The following NOSTRIN variants were observed in gnomAD, a reference collection of about 807,000 sequenced individuals.
The protein encoded by NOSTRIN is nitric oxide synthase trafficking, also known as BM247 homolog.
NOSTRIN carries 63 observed loss-of-function variants against 59.0 expected under a neutral mutation model. The observed-to-expected ratio is 1.07, with a 90% CI of 0.87 to 1.32. The LOEUF is 1.32. Ranked by LOEUF, NOSTRIN falls within the 40% of genes most tolerant of loss-of-function variation. The pLI is 0.00. For synonymous variants in NOSTRIN, 200 were observed against 165.4 expected, an observed-to-expected ratio of 1.21 and a Z score of -1.61; for missense variants, 512 against 473.1, an observed-to-expected ratio of 1.08 and a Z score of -0.76.
rs555641911 is a variant in NOSTRIN at position 168,811,977 on chromosome 2, G to A, written c.113+325G>A. On this transcript the variant is annotated intron_variant, in intron 2 of 15. Transcript: ENST00000317647. Reference sequence around the variant, plus strand: ...CATTATTGTACTTTTCACACCGACAGCAATTATTTACATTTTTCTCTCCCC... The same window carrying A: ...CATTATTGTACTTTTCACACCGACAACAATTATTTACATTTTTCTCTCCCC... The A allele has an allele frequency of 6.2e-5, 11 of 176,192 alleles. No individual in the cohort carries two copies. The South Asian group carries it at 2.1e-3, about 34-fold the overall frequency. 10.9% of individuals were successfully genotyped at this position (176,192 alleles called of 1,614,324 possible). A position where few individuals can be genotyped will look rare whatever the true frequency, so the allele number is the denominator to read the frequency against.
At chr2:168,840,989 A>G (rs1040719140) in intron 7 of NOSTRIN, among the ~76,000 whole-genome samples, 5 of 152,108 alleles carry the variant, frequency 3.3e-5, no homozygotes, top group African/African-American at 1.2e-4. Context: ...GCGATGGCCC[A>G]CACTCATGAT....
chr2:168,860,669 TAAAAAAAAAAA>T, intron 13 of NOSTRIN, 115 bp from the exon 14 acceptor site: 1 of 553,258 alleles, frequency 1.8e-6, no homozygotes, highest in Non-Finnish European at 3.1e-6. Context: ...AGACTCTGTC[TAAAAAAAAAAA>T]AGAAAAAACA....
intron 15 of NOSTRIN, chr2:168,863,717 A>T: frequency 1.1e-6 from 1 of 913,478 alleles, no homozygotes. Flanking sequence ...TAATGCAGAG[A>T]CATTGTCTTG....
At chr2:168,803,672 C>A (rs1160471152) in intron 1 of NOSTRIN, among the ~76,000 whole-genome samples, 1 of 152,074 alleles carries the variant, frequency 6.6e-6, no homozygotes, top group Non-Finnish European at 1.5e-5. Context: ...TTAATAATGA[C>A]AACATAGTAG....
chr2:168,786,560 C>T (rs1336660207), exon 1 of NOSTRIN: 1 of 152,150 alleles, frequency 6.6e-6, no homozygotes, highest in Non-Finnish European at 1.5e-5. Flanking sequence ...CCTTCCCAAG[C>T]ACTGGTAGGG....
At chr2:168,864,226 C>T (rs115228466) in intron 15 of NOSTRIN, among the ~76,000 whole-genome samples, 4,561 of 151,798 alleles carry the variant, frequency 0.03, 222 homozygotes, top group African/African-American at 0.097. Context: ...ATCTGCCCAT[C>T]GCGGCCTCCC....
chr2:168,819,184 C>G (rs1288394948), intron 2 of NOSTRIN, among the ~76,000 whole-genome samples: 1 of 152,082 alleles, frequency 6.6e-6, no homozygotes, highest in East Asian at 1.9e-4. Flanking sequence ...GCATGTGGTA[C>G]TTTTTCAGCT....
At chr2:168,832,076 G>C (rs920753811) in intron 6 of NOSTRIN, among the ~76,000 whole-genome samples, 5 of 152,158 alleles carry the variant, frequency 3.3e-5, no homozygotes, top group African/African-American at 1.2e-4. Context: ...GGCCCAGTGA[G>C]GGGTGGGTAG....
chr2:168,806,711 T>G (rs957591768), intron 1 of NOSTRIN, among the ~76,000 whole-genome samples: 4 of 152,144 alleles, frequency 2.6e-5, no homozygotes, highest in African/African-American at 9.7e-5. Flanking sequence ...AGCAGCATAT[T>G]AATATGAATT....
chr2:168,863,588 A>C, intron 15 of NOSTRIN: 2 of 985,204 alleles, frequency 2.0e-6, no homozygotes, highest in Non-Finnish European at 2.4e-6. Flanking sequence ...ATTGTCTCCA[A>C]ATTGATGTTG....
chr2:168,789,739 T>C (rs889282564), intron 2 of NOSTRIN, among the ~76,000 whole-genome samples: 5 of 152,162 alleles, frequency 3.3e-5, no homozygotes, highest in African/African-American at 1.2e-4. Context: ...TTAGGAAAAG[T>C]AGAAGTTGCT....
chr2:168,829,569 T>C (rs1188778576), intron 5 of NOSTRIN, among the ~76,000 whole-genome samples: 3 of 152,120 alleles, frequency 2.0e-5, no homozygotes, highest in Non-Finnish European at 4.4e-5. Flanking sequence ...GATCCGCCCA[T>C]CTTGGCCTCC....
At position 168,865,070 on chromosome 2, in the gene NOSTRIN, GAA is replaced by G. The variant is rs1408433361; in HGVS notation, c.*102_*103del. ...TCTTACCTTTACATGTTTTTCTTTT[GAA>G]ATGGATGGAGTTCTACCTGCATGTC... On this transcript the variant is annotated 3_prime_UTR_variant, in exon 16 of 16. Transcript: ENST00000317647. 7.7e-7 allele frequency: 1 copy of G among 1,291,404 alleles called. No homozygotes were observed. 80.0% of individuals were successfully genotyped at this position (1,291,404 alleles called of 1,614,324 possible).
chr2:168,793,758 A>G (rs572762469), upstream of NOSTRIN, among the ~76,000 whole-genome samples: 258 of 152,352 alleles, frequency 1.7e-3, 2 homozygotes, highest in African/African-American at 6.0e-3. Flanking sequence ...GCCTCTGAGT[A>G]TCTTCCAAGC....
At chr2:168,843,314 A>G (rs1309196800) in intron 8 of NOSTRIN, among the ~76,000 whole-genome samples, 197 bp downstream of exon 8, 1 of 152,192 alleles carries the variant, frequency 6.6e-6, no homozygotes, top group Non-Finnish European at 1.5e-5. Flanking sequence ...CAATTTATTG[A>G]ATTTCACTGG....
chr2:168,826,776 G>A (rs528208686), intron 3 of NOSTRIN, among the ~76,000 whole-genome samples: 5 of 152,200 alleles, frequency 3.3e-5, no homozygotes. Context: ...TTAAGCATAT[G>A]ATTTGATCAG....
chr2:168,863,690 G>T (rs1191716130), intron 15 of NOSTRIN: 2 of 981,016 alleles, frequency 2.0e-6, no homozygotes, highest in African/African-American at 3.5e-5. Context: ...TAAACTTTTG[G>T]CCTGTGAAAT....
rs533922615 is a variant in NOSTRIN, at chr2:168,839,640, G to A, written c.505-3352G>A. 6.9e-4 allele frequency among the ~76,000 whole-genome samples: 105 copies of A among 152,064 alleles called. 2 individuals are homozygous for A. The highest frequency in any genetic ancestry group is 1.5e-3 in the Admixed American group (23 of 15,264). ...AGAATACAGGAGTCTACAGCCGGGC[G>A]CAGTGGCTCAGGCCTATAATCCCAG... On this transcript the variant is annotated intron_variant, in intron 7 of 15. Transcript: ENST00000317647.
At chr2:168,838,404 T>C (rs778014546) in intron 7 of NOSTRIN, among the ~76,000 whole-genome samples, 4 of 152,204 alleles carry the variant, frequency 2.6e-5, no homozygotes, top group Non-Finnish European at 5.9e-5. Flanking sequence ...CACATCTGGC[T>C]AATTTTTGTA....
Sources: allele counts gnomAD v4.1 joint callset (sites outside exome capture counted in the v4.1 genomes callset), GRCh38; gene constraint gnomAD v4.1.1; transcripts MANE v1.5; gene names NCBI Gene and HGNC (gene_info 2026-07-23, HGNC 2026-07-21).